The following ABHD18 variants were observed in gnomAD, a reference collection of about 807,000 sequenced individuals.
ABHD18 encodes abhydrolase domain containing 18.
A neutral mutation model predicts 65.9 loss-of-function variants in ABHD18; 55 were observed. The ratio of observed to expected loss-of-function variants is 0.84; its 90% CI spans 0.67 to 1.05. The LOEUF is 1.05. Among genes scored for constraint, ABHD18 ranks in the 50% least tolerant of loss-of-function variants. The probability of loss-of-function intolerance (pLI) is 0.00; values close to 1 mark genes in which losing one functional copy is unlikely to be tolerated. For missense variants in ABHD18, 533 were observed against 558.5 expected, an observed-to-expected ratio of 0.95 and a Z score of 0.46; for synonymous variants, 181 against 180.2, an observed-to-expected ratio of 1.00 and a Z score of -0.04.
At chr4:128,018,454 C>A (rs558594995) in intron 8 of ABHD18, among the ~76,000 whole-genome samples, 2 of 151,982 alleles carry the variant, frequency 1.3e-5, no homozygotes, top group Non-Finnish European at 2.9e-5. Flanking sequence ...AGTAGTAAGA[C>A]CCACCCTGTC....
intron 6 of ABHD18, among the ~76,000 whole-genome samples, chr4:128,009,874 A>G (rs1003242422): frequency 1.3e-5 from 2 of 152,236 alleles, no homozygotes; most frequent in East Asian, 3.8e-4. Context: ...ATGTTTGTAT[A>G]GCTTTAGTAA....
At chr4:128,008,831 T>C (rs1754070957) in intron 4 of ABHD18, 89 bp from the exon 5 acceptor site, 13 of 856,024 alleles carry the variant, frequency 1.5e-5, no homozygotes, top group Non-Finnish European at 2.0e-5. Flanking sequence ...TGTCAGATAA[T>C]TTAAATGTAA....
At chr4:128,017,853 A>C (rs935789228) in intron 8 of ABHD18, among the ~76,000 whole-genome samples, 1 of 152,142 alleles carries the variant, frequency 6.6e-6, no homozygotes, top group African/African-American at 2.4e-5. Flanking sequence ...AGTACCACTA[A>C]CCTATTTTAC....
intron 1 of ABHD18, among the ~76,000 whole-genome samples, chr4:127,968,237 T>G (rs887410421): frequency 1.3e-5 from 2 of 152,168 alleles, no homozygotes; most frequent in African/African-American, 4.8e-5. Flanking sequence ...ACATCCTATT[T>G]TCTTACTCTT....
intron 7 of ABHD18, among the ~76,000 whole-genome samples, chr4:128,014,539 G>A (rs1755152431): frequency 6.6e-6 from 1 of 152,094 alleles, no homozygotes; most frequent in Admixed American, 6.6e-5. Flanking sequence ...GAATTATAAT[G>A]TTTATAAAAT....
At chr4:128,026,383 C>A (rs1757359444) in intron 10 of ABHD18, among the ~76,000 whole-genome samples, 1 of 151,182 alleles carries the variant, frequency 6.6e-6, no homozygotes, top group South Asian at 2.1e-4. Context: ...CGCTTGAACC[C>A]AAAAGGGTGA....
At chr4:127,971,616 G>A (rs1366961918) in intron 1 of ABHD18, among the ~76,000 whole-genome samples, 1 of 148,732 alleles carries the variant, frequency 6.7e-6, no homozygotes, top group Admixed American at 6.9e-5. Context: ...TCAGCCTCCT[G>A]AGTAGCTGGG....
chr4:127,970,602 AAAAAAAAAG>A (rs1362463777), intron 1 of ABHD18, among the ~76,000 whole-genome samples: 1 of 151,440 alleles, frequency 6.6e-6, no homozygotes, highest in African/African-American at 2.4e-5. Flanking sequence ...AAAAAAAAAA[AAAAAAAAAG>A]AAAGAAAATA....
chr4:128,019,994 C>A, intron 8 of ABHD18, 86 bp from the exon 9 acceptor site: 2 of 830,932 alleles, frequency 2.4e-6, no homozygotes, highest in Non-Finnish European at 3.7e-6. Context: ...CAACTATTTA[C>A]TGCACGGAAT....
rs1756449628 is a variant in ABHD18, at chr4:128,021,247, T to G, written c.801+9T>G. 1.4e-6 allele frequency: 2 copies of G among 1,465,350 alleles called. No homozygotes were observed. The highest frequency in any genetic ancestry group is 9.3e-7 in the Non-Finnish European group (1 of 1,072,440). 90.8% of individuals were successfully genotyped at this position (1,465,350 alleles called of 1,614,324 possible). A position where few individuals can be genotyped will look rare whatever the true frequency, so the allele number is the denominator to read the frequency against. On this transcript the variant is annotated intron_variant, in intron 10 of 12. Transcript: ENST00000645843. Reference sequence around the variant, plus strand: ...TGCTTGAATACTGTGGAGTAAGTATTTCACTTTCCACCCAACATTGGTGGT... The same window carrying G: ...TGCTTGAATACTGTGGAGTAAGTATGTCACTTTCCACCCAACATTGGTGGT...
chr4:127,994,453 G>A lies in ABHD18; in HGVS notation c.278+4632G>A, dbSNP rs528158334. Among the ~76,000 whole-genome samples, 7 of 152,216 alleles carry A rather than the reference G, an allele frequency of 4.6e-5. No individual in the cohort carries two copies. In the South Asian group the frequency reaches 1.2e-3, roughly 27 times the overall value. ...TCTACAAAAATTAGCAGGGCATGAT[G>A]GCGGGTGCCTGTAATCCAAACTACT... On this transcript the variant is annotated intron_variant, in intron 4 of 12. Transcript: ENST00000645843.
rs762726699 is a variant in ABHD18 at position 127,966,900 on chromosome 4, A to AC, written c.-18+1296dup. Among the ~76,000 whole-genome samples the AC allele has an allele frequency of 9.1e-4, 137 of 150,120 alleles. 1 individual carries two copies. In the East Asian group the frequency reaches 0.011, roughly 12 times the overall value. ...ATTCTGTCTCAAAAAAAAAAAAAAA[A>AC]CCAAAAACCTTGAAACGTGCTATTC... On this transcript the variant is annotated intron_variant, in intron 1 of 12. Coordinates refer to ENST00000645843, the MANE Select transcript of ABHD18 (RefSeq NM_001358451.3).
intron 1 of ABHD18, among the ~76,000 whole-genome samples, chr4:127,976,090 T>C (rs1247599037): frequency 6.6e-6 from 1 of 152,190 alleles, no homozygotes; most frequent in Non-Finnish European, 1.5e-5. Context: ...AGTGTTGGGA[T>C]TACAGGCATG....
At chr4:127,998,802 T>C (rs1207084500) in intron 4 of ABHD18, among the ~76,000 whole-genome samples, 1 of 152,188 alleles carries the variant, frequency 6.6e-6, no homozygotes, top group African/African-American at 2.4e-5. Context: ...TAGTAACTTA[T>C]AAATGTTACA....
chr4:127,966,445 A>G (rs774536342), intron 1 of ABHD18, among the ~76,000 whole-genome samples: 1 of 152,054 alleles, frequency 6.6e-6, no homozygotes, highest in Admixed American at 6.6e-5. Context: ...CATTTACCCT[A>G]TGCTAGGTCC....
chr4:127,968,611 T>C (rs1746146586), intron 1 of ABHD18, among the ~76,000 whole-genome samples: 1 of 152,228 alleles, frequency 6.6e-6, no homozygotes, highest in South Asian at 2.1e-4. Context: ...ACTTTAGCAA[T>C]AGAACTCATT....
Position 128,028,747 on chromosome 4 carries a change from A to G in ABHD18, c.1074A>G (p.Ser358=). The change falls in exon 11 of 13, where the codon TCA becomes TCG. Residue 358 remains serine (S), a synonymous_variant. Transcript: ENST00000645843. ...GTTATACAAGTCGCAACCCTCAGTCATACCACCTACTTAGTAAAGAACAAA... is the reference window on the plus strand; with the variant it reads ...GTTATACAAGTCGCAACCCTCAGTCGTACCACCTACTTAGTAAAGAACAAA... ...KSGYTSRNPQ[S]YHLLSKEQSR... 1 of 1,613,946 alleles carries G rather than the reference A, an allele frequency of 6.2e-7. No homozygotes were observed. The highest frequency in any genetic ancestry group is 8.5e-7 in the Non-Finnish European group (1 of 1,179,862).
intron 8 of ABHD18, among the ~76,000 whole-genome samples, chr4:128,018,663 T>C (rs1018217617): frequency 6.6e-6 from 1 of 151,864 alleles, no homozygotes; most frequent in African/African-American, 2.4e-5. Context: ...TAATTATTAT[T>C]ATATGAAGTT....
At chr4:128,023,020 C>T (rs182837985) in intron 10 of ABHD18, among the ~76,000 whole-genome samples, 19 of 152,194 alleles carry the variant, frequency 1.2e-4, no homozygotes, top group Admixed American at 1.3e-4. Context: ...ACACCTGCCT[C>T]GGCCTCCCAG....
Sources: gnomAD v4.1 joint callset for allele counts (sites outside exome capture counted in the v4.1 genomes callset) on GRCh38, gnomAD v4.1.1 for gene constraint, MANE v1.5 for transcripts, NCBI Gene and HGNC (gene_info 2026-07-23, HGNC 2026-07-21) for gene names.